CNPY1: variants seen among roughly 807,000 people sequenced by gnomAD.
CNPY1 encodes canopy FGF signaling regulator 1.
CNPY1 carries 14 observed loss-of-function variants against 14.4 expected under a neutral mutation model. The observed-to-expected ratio is 0.97, with a 90% confidence interval of 0.64 to 1.52. CNPY1 has a LOEUF of 1.52. Among genes scored for constraint, CNPY1 ranks in the 40% most tolerant of loss-of-function variants. The pLI is 0.00. For synonymous variants in CNPY1, 43 were observed against 46.5 expected, an observed-to-expected ratio of 0.92 and a Z score of 0.31; for missense variants, 129 against 131.5, an observed-to-expected ratio of 0.98 and a Z score of 0.09.
Position 155,501,635 on chromosome 7 carries a change from G to A in CNPY1, c.*1433C>T, listed in dbSNP as rs1796110825. 6.6e-6 allele frequency: 1 copy of A among 152,044 alleles called. No homozygotes were observed. Among genetic ancestry groups the A allele is most frequent in the Admixed American group, 6.5e-5 (1 of 15,274 alleles). The allele number at this position is 152,044 out of a possible 1,614,324, so 9.4% of individuals were successfully genotyped here. ...TAGATACGTTTAAATAAAGCTATAG[G>A]GACTATGTTTTAAATAACAATTGTC... On this transcript the variant is annotated 3_prime_UTR_variant, in exon 5 of 5. Transcript: ENST00000636446.
At chr7:155,546,050 C>T (rs1369088263) in intron 1 of CNPY1, 107 bp from the exon 2 acceptor site, 6 of 397,934 alleles carry the variant, frequency 1.5e-5, no homozygotes, top group Admixed American at 4.4e-5. Context: ...GGGACAGTGC[C>T]GACGTGCCCA....
Position 155,524,852 on chromosome 7 carries a change from C to T in CNPY1, c.100-15755G>A, listed in dbSNP as rs938339213. ...CCCTGGTGCCATAAATGTTGGGGAC[C>T]GCTGCTCTAAGGGGCCTGAGGGAAG... On this transcript the variant is annotated intron_variant, in intron 2 of 4. Coordinates refer to ENST00000636446, the MANE Select transcript of CNPY1 (RefSeq NM_001393663.1). 5.7e-5 allele frequency among the ~76,000 whole-genome samples: 8 copies of T among 141,294 alleles called. No individual in the cohort carries two copies. The East Asian group carries it at 7.2e-4, about 13-fold the overall frequency. 92.7% of individuals were successfully genotyped at this position (141,294 alleles called of 152,430 possible). A position where few individuals can be genotyped will look rare whatever the true frequency, so the allele number is the denominator to read the frequency against.
At chr7:155,503,127 G>T (rs946983482) in intron 4 of CNPY1, 22 bp from the exon 5 acceptor site, 4 of 1,572,862 alleles carry the variant, frequency 2.5e-6, no homozygotes, top group Non-Finnish European at 3.5e-6. Context: ...AAAAAAAGTA[G>T]ATAGCATCAT....
intron 2 of CNPY1, among the ~76,000 whole-genome samples, chr7:155,512,955 A>T (rs1274897138): frequency 1.3e-5 from 2 of 152,242 alleles, no homozygotes; most frequent in Admixed American, 6.5e-5. Context: ...CTAACTTTTC[A>T]TCCATAAAAA....
At chr7:155,543,532 AG>A (rs1275722440) in intron 2 of CNPY1, among the ~76,000 whole-genome samples, 1 of 152,222 alleles carries the variant, frequency 6.6e-6, no homozygotes, top group East Asian at 1.9e-4. Flanking sequence ...CTAAGTGGGA[AG>A]GATGAGAGAC....
chr7:155,518,967 A>G (rs1796669611), intron 2 of CNPY1, among the ~76,000 whole-genome samples: 1 of 152,224 alleles, frequency 6.6e-6, no homozygotes, highest in Admixed American at 6.5e-5. Flanking sequence ...ATCCAATTCC[A>G]GTTTAGAAAT....
At chr7:155,535,392 A>G (rs10273076) in intron 2 of CNPY1, among the ~76,000 whole-genome samples, 1,892 of 152,316 alleles carry the variant, frequency 0.012, 33 homozygotes, top group African/African-American at 0.043. Context: ...TCAACTGCAG[A>G]TGAATCATGA....
intron 2 of CNPY1, among the ~76,000 whole-genome samples, chr7:155,528,624 G>A (rs1412224667): frequency 1.3e-5 from 2 of 152,226 alleles, no homozygotes; most frequent in Non-Finnish European, 2.9e-5. Context: ...TGGCTCTCCA[G>A]GGCCAGCTGA....
In CNPY1 at chr7:155,536,049, G is replaced by T. The variant is rs1797019569; in HGVS notation, c.99+9782C>A. Among the ~76,000 whole-genome samples, 1 of 152,200 alleles carries T rather than the reference G, an allele frequency of 6.6e-6. No individual in the cohort carries two copies. The highest frequency in any genetic ancestry group is 2.4e-5 in the African/African-American group (1 of 41,454). ...AAGTATTTTATTTGGTGCAAGGTTT[G>T]GCTGTAGGTAGTAAACCCTCCGGGA... On this transcript the variant is annotated intron_variant, in intron 2 of 4. Transcript: ENST00000636446. The surrounding 1 kb of genome is among the most constrained non-coding windows in gnomAD (Gnocchi z 4.1).
At chr7:155,546,003 G>A in intron 1 of CNPY1, 60 bp from the exon 2 acceptor site, 1 of 398,506 alleles carries the variant, frequency 2.5e-6, no homozygotes, top group Non-Finnish European at 4.4e-6. Context: ...CCGGGCCTGT[G>A]GAGTGGCTTC....
chr7:155,506,932 G>A, intron 4 of CNPY1, 88 bp downstream of exon 4: 2 of 841,988 alleles, frequency 2.4e-6, no homozygotes, highest in Non-Finnish European at 4.0e-6. Context: ...GAGGCAGCGA[G>A]GCTCGGTCTG....
intron 4 of CNPY1, among the ~76,000 whole-genome samples, chr7:155,505,104 T>C (rs2116660009): frequency 6.6e-6 from 1 of 152,340 alleles, no homozygotes; most frequent in African/African-American, 2.4e-5. Flanking sequence ...TAGGGCTTTT[T>C]GAGTGGGTGG....
intron 2 of CNPY1, among the ~76,000 whole-genome samples, chr7:155,528,783 G>A (rs905419357): frequency 1.6e-4 from 25 of 152,318 alleles, no homozygotes; most frequent in African/African-American, 5.1e-4. Flanking sequence ...ACTTTGGGCT[G>A]GGCGCGGTGG....
intron 2 of CNPY1, among the ~76,000 whole-genome samples, chr7:155,524,763 C>A (rs1402228702): frequency 6.6e-6 from 1 of 152,104 alleles, no homozygotes; most frequent in Non-Finnish European, 1.5e-5. Context: ...GCACTTGAAT[C>A]ATCCCCAAAC....
chr7:155,532,471 A>G (rs983702867), intron 2 of CNPY1, among the ~76,000 whole-genome samples: 1 of 150,880 alleles, frequency 6.6e-6, no homozygotes, highest in Non-Finnish European at 1.5e-5. Context: ...AATACAAAAA[A>G]TTAGCCGGGC....
intron 2 of CNPY1, among the ~76,000 whole-genome samples, chr7:155,524,938 G>A (rs530642943): frequency 6.6e-6 from 1 of 152,196 alleles, no homozygotes; most frequent in African/African-American, 2.4e-5. Context: ...GGTCTATTAG[G>A]TGGTGGCTAG....
At chr7:155,538,068 T>C (rs1797043803) in intron 2 of CNPY1, among the ~76,000 whole-genome samples, 1 of 152,214 alleles carries the variant, frequency 6.6e-6, no homozygotes. Flanking sequence ...GTTAATAACC[T>C]CTTTTTTGCA....
At chr7:155,525,526 T>C (rs1796803292) in intron 2 of CNPY1, among the ~76,000 whole-genome samples, 1 of 151,974 alleles carries the variant, frequency 6.6e-6, no homozygotes. Context: ...AACAGAATAT[T>C]TGGTTGATCA....
Position 155,507,470 on chromosome 7 carries a change from CTAAAAAAA to C in CNPY1, c.304-362_304-355del, listed in dbSNP as rs1210075479. 1.8e-3 allele frequency among the ~76,000 whole-genome samples: 10 copies of C among 5,494 alleles called. No individual in the cohort carries two copies. The African/African-American group carries it at 0.022, about 12-fold the overall frequency. 3.6% of individuals were successfully genotyped at this position (5,494 alleles called of 152,430 possible). A position where few individuals can be genotyped will look rare whatever the true frequency, so the allele number is the denominator to read the frequency against. The stretch of plus-strand genomic sequence containing the variant: ...GCTGAAAAGTCCAACGGTTTTTAAA[CTAAAAAAA>C]AAAAAAAAAAAAAAAAAAAAAGAAG... On this transcript the variant is annotated intron_variant, in intron 3 of 4. Transcript: ENST00000636446.
Sources: gnomAD v4.1 joint callset for allele counts (sites outside exome capture counted in the v4.1 genomes callset) on GRCh38, gnomAD v4.1.1 for gene constraint, Gnocchi (gnomAD v3.1) non-coding constraint, MANE v1.5 for transcripts, NCBI Gene and HGNC (gene_info 2026-07-23, HGNC 2026-07-21) for gene names.